FYCO1: variants seen among roughly 807,000 people sequenced by gnomAD.
FYCO1 encodes the protein FYVE and coiled-coil domain-containing protein 1.
In FYCO1, 122 loss-of-function variants were observed where a neutral mutation model predicts 165.1. That is an observed-to-expected ratio of 0.74 (90% CI 0.64 to 0.86). The LOEUF is 0.86. Among genes scored for constraint, FYCO1 ranks in the 40% least tolerant of loss-of-function variants. The pLI is 0.00. For missense variants in FYCO1, 1,702 were observed against 1,810.3 expected, an observed-to-expected ratio of 0.94 and a Z score of 1.09; for synonymous variants, 648 against 742.5, an observed-to-expected ratio of 0.87 and a Z score of 2.07.
Position 45,964,350 on chromosome 3 carries a change from A to G in FYCO1, c.3255T>C (p.Arg1085=). 1 of 1,613,920 alleles carries G rather than the reference A, an allele frequency of 6.2e-7. No individual in the cohort carries two copies. ...LRKDKEGAAL[R]EDLERTQKEL... ...CTGTGACTAACCTTTCTAGGTCTTC[A>G]CGCAGGGCAGCCCCCTCCTTGTCCT... The change falls in exon 10 of 18, where the codon CGT becomes CGC. Residue 1085 remains arginine (R), a synonymous_variant. Transcript: ENST00000296137. The surrounding 1 kb of genome is among the most constrained non-coding windows in gnomAD (Gnocchi z 4.1).
chr3:45,947,746 C>A, intron 14 of FYCO1: 1 of 527,300 alleles, frequency 1.9e-6, no homozygotes. Context: ...TTCCTTCCTC[C>A]ATCTCCAAGA....
intron 14 of FYCO1, chr3:45,947,379 T>C (rs749402028): frequency 3.7e-6 from 6 of 1,614,264 alleles, no homozygotes; most frequent in African/African-American, 1.3e-5. Context: ...AAAGAACTTC[T>C]GGAAACTTGT....
rs755453451 is a variant in FYCO1 at position 45,967,384 on chromosome 3, C to G, written c.1950G>C (p.Gln650His). ...QALQADYQAL[Q>H]QRESAIQGSL... ...AGCCCTGGATGGCTGATTCCCGCTG[C>G]TGCAAAGCCTGGTAATCGGCCTGCA... The change falls in exon 8 of 18, where the codon CAG becomes CAC. Residue 650 changes from glutamine (Q) to histidine (H), a missense_variant. Gln to His is a conservative substitution (Grantham distance 24). Coordinates refer to ENST00000296137, the MANE Select transcript of FYCO1 (RefSeq NM_024513.4). The G allele has an allele frequency of 2.9e-5, 47 of 1,611,058 alleles. No individual in the cohort carries two copies. In the South Asian group the frequency reaches 5.1e-4, roughly 17 times the overall value.
chr3:45,959,295 G>A, intron 12 of FYCO1, 98 bp downstream of exon 12: 2 of 1,321,790 alleles, frequency 1.5e-6, no homozygotes, highest in Non-Finnish European at 2.2e-6. Context: ...AGTCAGCCAT[G>A]GTGCCAACAC....
chr3:45,995,531 C>A (rs967486424), intron 1 of FYCO1, among the ~76,000 whole-genome samples, 191 bp downstream of exon 1: 1 of 152,242 alleles, frequency 6.6e-6, no homozygotes, highest in Non-Finnish European at 1.5e-5. Context: ...CCGGCTTCCA[C>A]CTGCCCGAGG....
chr3:45,964,407 A>T lies in FYCO1; in HGVS notation c.3198T>A (p.His1066Gln). The change falls in exon 10 of 18, where the codon CAT (histidine) becomes CAA (glutamine). Residue 1066 changes from histidine (H) to glutamine (Q), a missense_variant. Physicochemically the swap from His to Gln is conservative, Grantham distance 24. Coordinates refer to ENST00000296137, the MANE Select transcript of FYCO1 (RefSeq NM_024513.4). This position sits in a 1 kb window ranked among gnomAD's most constrained non-coding sequence, Gnocchi z 4.1. ...MGEKLSCTSN[H>Q]LAECQAAMLR... is the part of the protein sequence containing the mutation. ...GCATGGCCGCCTGGCACTCTGCAAGATGGTTGCTAGTGCAGCTCAGCTTCT... is the reference window on the plus strand; with the variant it reads ...GCATGGCCGCCTGGCACTCTGCAAGTTGGTTGCTAGTGCAGCTCAGCTTCT... 6.2e-7 allele frequency: 1 copy of T among 1,614,058 alleles called. No homozygotes were observed. The highest frequency in any genetic ancestry group is 8.5e-7 in the Non-Finnish European group (1 of 1,179,964).
intron 14 of FYCO1, among the ~76,000 whole-genome samples, chr3:45,939,680 G>A (rs1178367536): frequency 6.6e-6 from 1 of 152,076 alleles, no homozygotes; most frequent in Non-Finnish European, 1.5e-5. Flanking sequence ...GCTAAGCCCC[G>A]CAGAGTGAGA....
At chr3:45,981,777 A>G in intron 2 of FYCO1, 101 bp from the exon 3 acceptor site, 1 of 797,622 alleles carries the variant, frequency 1.3e-6, no homozygotes, top group East Asian at 2.5e-5. Flanking sequence ...GGTCAGTGAT[A>G]CAAAGCACCT....
chr3:45,992,851 TTC>T (rs1376135751), intron 1 of FYCO1, among the ~76,000 whole-genome samples: 1 of 152,212 alleles, frequency 6.6e-6, no homozygotes, highest in Non-Finnish European at 1.5e-5. Flanking sequence ...AAACCACTGT[TTC>T]TGATTCAGCT....
intron 14 of FYCO1, chr3:45,946,373 T>C (rs2125821985): frequency 1.1e-6 from 1 of 922,362 alleles, no homozygotes; most frequent in East Asian, 2.4e-5. Flanking sequence ...GATGACTATT[T>C]GCCCCCTAAA....
chr3:45,989,794 A>G (rs1340220299), intron 1 of FYCO1, among the ~76,000 whole-genome samples: 1 of 151,928 alleles, frequency 6.6e-6, no homozygotes, highest in Non-Finnish European at 1.5e-5. Context: ...GAGTCCATGG[A>G]CCCCAGAGAG....
intron 14 of FYCO1, among the ~76,000 whole-genome samples, chr3:45,942,732 C>G (rs2125815593): frequency 6.6e-6 from 1 of 152,308 alleles, no homozygotes; most frequent in African/African-American, 2.4e-5. Flanking sequence ...GTACTGAGAT[C>G]AAAGTAGTCA....
At position 45,919,168 on chromosome 3, in the gene FYCO1, G is replaced by A. The variant is rs1703010809; in HGVS notation, c.*2597C>T. 6.6e-6 allele frequency: 1 copy of A among 151,966 alleles called. No individual in the cohort carries two copies. Among genetic ancestry groups the A allele is most frequent in the Non-Finnish European group, 1.5e-5 (1 of 68,040 alleles). The allele number at this position is 151,966 out of a possible 1,614,324, so 9.4% of individuals were successfully genotyped here. On this transcript the variant is annotated 3_prime_UTR_variant, in exon 18 of 18. Coordinates refer to ENST00000296137, the MANE Select transcript of FYCO1 (RefSeq NM_024513.4). ...CTAGCCAGGGCTACCACCTGCAGCA[G>A]TGGTTCTTCAATTGCTATTTGCATT...
Position 45,991,426 on chromosome 3 carries a change from C to T in FYCO1, c.-113+4296G>A, listed in dbSNP as rs149121490. Among the ~76,000 whole-genome samples, 14 of 152,304 alleles carry T rather than the reference C, an allele frequency of 9.2e-5. No individual in the cohort carries two copies. In the East Asian group the frequency reaches 2.5e-3, roughly 27 times the overall value. On this transcript the variant is annotated intron_variant, in intron 1 of 17. Transcript: ENST00000296137. ...CCTTTACAGATGGGCTGCCTGACCTCGATAGGGATAGGCCCATCTTCTTGT... is the reference window on the plus strand; with the variant it reads ...CCTTTACAGATGGGCTGCCTGACCTTGATAGGGATAGGCCCATCTTCTTGT...
chr3:45,960,904 C>T (rs540754762), intron 11 of FYCO1, among the ~76,000 whole-genome samples: 43 of 152,206 alleles, frequency 2.8e-4, no homozygotes, highest in African/African-American at 9.4e-4. Context: ...AATTCCAATT[C>T]GGTTAGTCTT....
chr3:45,974,283 A>C (rs929034135), intron 5 of FYCO1, among the ~76,000 whole-genome samples: 2 of 152,172 alleles, frequency 1.3e-5, no homozygotes, highest in African/African-American at 4.8e-5. Context: ...TGAGGTAAGA[A>C]GATCACTTGA....
rs1267395547 is a variant in FYCO1, at chr3:45,966,416, C to T, written c.2918G>A (p.Gly973Asp). The T allele has an allele frequency of 5.0e-6, 8 of 1,613,254 alleles. No individual in the cohort carries two copies. The highest frequency in any genetic ancestry group is 6.8e-6 in the Non-Finnish European group (8 of 1,179,350). Reference sequence around the variant, plus strand: ...CTGGGCCTGCAGGCCAGGCAGTGAGCCGGCTGCTGCCTTGGCCGCCTTCAG... The same window carrying T: ...CTGGGCCTGCAGGCCAGGCAGTGAGTCGGCTGCTGCCTTGGCCGCCTTCAG... ...EKLKAAKAAA[G>D]SLPGLQAQLA... The change falls in exon 8 of 18, where the codon GGC becomes GAC. Residue 973 changes from glycine to aspartate, a missense_variant. Coordinates refer to ENST00000296137, the MANE Select transcript of FYCO1 (RefSeq NM_024513.4).
intron 2 of FYCO1, 174 bp downstream of exon 2, chr3:45,984,682 C>T: frequency 2.7e-6 from 2 of 735,360 alleles, no homozygotes; most frequent in South Asian, 1.5e-5. Context: ...CTTTCCAAGC[C>T]TTACACAAGG....
intron 16 of FYCO1, among the ~76,000 whole-genome samples, chr3:45,929,623 G>T (rs184229615): frequency 6.6e-6 from 1 of 152,150 alleles, no homozygotes; most frequent in Admixed American, 6.5e-5. Context: ...CCTCCTGGGT[G>T]GGGGCTCAGA....
Sources: gnomAD v4.1 joint callset for allele counts (sites outside exome capture counted in the v4.1 genomes callset) on GRCh38, gnomAD v4.1.1 for gene constraint, Gnocchi (gnomAD v3.1) non-coding constraint, MANE v1.5 for transcripts, NCBI Gene and HGNC (gene_info 2026-07-23, HGNC 2026-07-21) for gene names.